PACSIN1: variants seen among roughly 807,000 people sequenced by gnomAD.
PACSIN1 encodes protein kinase C and casein kinase substrate in neurons 1.
PACSIN1 carries 15 observed loss-of-function variants against 59.5 expected under a neutral mutation model. The observed-to-expected ratio is 0.25, with a 90% confidence interval of 0.17 to 0.39. The LOEUF is 0.39. Among genes scored for constraint, PACSIN1 ranks in the 10% least tolerant of loss-of-function variants. The probability of loss-of-function intolerance (pLI) is 1.00; values close to 1 mark genes in which losing one functional copy is unlikely to be tolerated. For synonymous variants in PACSIN1, 210 were observed against 220.6 expected (o/e 0.95, Z 0.42); for missense variants, 420 against 580.2 (o/e 0.72, Z 2.84).
At position 34,529,660 on chromosome 6, in the gene PACSIN1, C is replaced by T; in HGVS notation, c.613-6C>T. ...TGTCACCCTCTCTCCACTCTGGTGC[C>T]CACAGACACAGGAGAAGTATGAGAA... On this transcript the variant is annotated splice_polypyrimidine_tract_variant and splice_region_variant and intron_variant, in intron 5 of 9. Coordinates refer to ENST00000244458, the MANE Select transcript of PACSIN1 (RefSeq NM_020804.5). This position sits in a 1 kb window ranked among gnomAD's most constrained non-coding sequence, Gnocchi z 6.3. The T allele has an allele frequency of 6.2e-7, 1 of 1,613,796 alleles. No homozygotes were observed.
Position 34,518,058 on chromosome 6 carries a change from G to A in PACSIN1, c.-63-8185G>A, listed in dbSNP as rs925962146. On this transcript the variant is annotated intron_variant, in intron 1 of 9. Transcript: ENST00000244458. The surrounding 1 kb of genome is among the most constrained non-coding windows in gnomAD (Gnocchi z 4.4). ...CCATTGCCTCAGGGACATTGGGTTG[G>A]ACAGGACACTGGGCCTGCACTGGGT... Among the ~76,000 whole-genome samples the A allele has an allele frequency of 6.6e-6, 1 of 152,202 alleles. No homozygotes were observed.
intron 1 of PACSIN1, among the ~76,000 whole-genome samples, chr6:34,495,546 G>A (rs1407345253): frequency 2.6e-5 from 4 of 151,548 alleles, no homozygotes; most frequent in South Asian, 2.1e-4. Flanking sequence ...TCCACCTCCC[G>A]GGTTCAAGTA....
intron 1 of PACSIN1, among the ~76,000 whole-genome samples, chr6:34,475,530 C>T (rs1439567353): frequency 6.6e-6 from 1 of 152,204 alleles, no homozygotes; most frequent in African/African-American, 2.4e-5. Context: ...GGGTTACCTT[C>T]CTCCAGACAA....
chr6:34,512,021 G>A (rs958321877), intron 1 of PACSIN1, among the ~76,000 whole-genome samples: 3 of 152,116 alleles, frequency 2.0e-5, no homozygotes, highest in African/African-American at 7.2e-5. Context: ...AGGAGCTGAG[G>A]TTGGGCATGG....
chr6:34,522,655 T>A (rs1442156964), intron 1 of PACSIN1, among the ~76,000 whole-genome samples: 3 of 152,186 alleles, frequency 2.0e-5, no homozygotes, highest in Non-Finnish European at 4.4e-5. Context: ...AGAAGTCCCA[T>A]GTTACGCTGT....
chr6:34,515,630 C>T lies in PACSIN1; in HGVS notation c.-63-10613C>T, dbSNP rs913644695. Among the ~76,000 whole-genome samples the T allele has an allele frequency of 6.6e-6, 1 of 152,178 alleles. No homozygotes were observed. The highest frequency in any genetic ancestry group is 1.5e-5 in the Non-Finnish European group (1 of 68,026). The stretch of plus-strand genomic sequence containing the variant: ...CCTCCTGCCCCAACCTCAGGCCCTT[C>T]CCCTTCCTCGTTCTCCCTGGAGACT... On this transcript the variant is annotated intron_variant, in intron 1 of 9. Transcript: ENST00000244458. The surrounding 1 kb of genome is among the most constrained non-coding windows in gnomAD (Gnocchi z 4.4).
At chr6:34,472,603 A>G (rs1345471487) in intron 1 of PACSIN1, among the ~76,000 whole-genome samples, 1 of 152,104 alleles carries the variant, frequency 6.6e-6, no homozygotes, top group African/African-American at 2.4e-5. Flanking sequence ...CATTCCCCTT[A>G]ATCTGATGGC....
intron 1 of PACSIN1, among the ~76,000 whole-genome samples, chr6:34,508,045 A>G (rs12197759): frequency 0.16 from 24,863 of 152,226 alleles, 2,609 homozygotes; most frequent in Non-Finnish European, 0.24. Context: ...CCCTGACTTC[A>G]ATTCCTTTGG....
chr6:34,527,579 C>A, intron 3 of PACSIN1, 91 bp downstream of exon 3: 1 of 1,177,044 alleles, frequency 8.5e-7, no homozygotes, highest in Non-Finnish European at 1.1e-6. Context: ...TTGCATGCAC[C>A]ATGCCCTCCA....
chr6:34,535,039 C>T lies in PACSIN1; in HGVS notation c.*2509C>T, dbSNP rs970983555. ...GAACCAGGGCTGCCCCACCGCCCGC[C>T]GTCTGCCGCCCTAGGCTTCCTGACT... On this transcript the variant is annotated 3_prime_UTR_variant, in exon 10 of 10. Coordinates refer to ENST00000244458, the MANE Select transcript of PACSIN1 (RefSeq NM_020804.5). 2 of 152,546 alleles carry T rather than the reference C, an allele frequency of 1.3e-5. No homozygotes were observed. Among genetic ancestry groups the T allele is most frequent in the Non-Finnish European group, 2.9e-5 (2 of 67,984 alleles). 9.4% of individuals were successfully genotyped at this position (152,546 alleles called of 1,614,324 possible).
Position 34,488,509 on chromosome 6 carries a change from G to C in PACSIN1, c.-64+22239G>C, listed in dbSNP as rs1400056597. Among the ~76,000 whole-genome samples, 1 of 152,058 alleles carries C rather than the reference G, an allele frequency of 6.6e-6. No individual in the cohort carries two copies. The highest frequency in any genetic ancestry group is 1.9e-4 in the East Asian group (1 of 5,184). On this transcript the variant is annotated intron_variant, in intron 1 of 9. Transcript: ENST00000244458. The surrounding 1 kb of genome is among the most constrained non-coding windows in gnomAD (Gnocchi z 4.7). ...CTCTTGGTGGAACTATTTCCCCTTTGGGAACCAGGATTTCTAAACTTGCAG... is the reference window on the plus strand; with the variant it reads ...CTCTTGGTGGAACTATTTCCCCTTTCGGAACCAGGATTTCTAAACTTGCAG...
Position 34,525,442 on chromosome 6 carries a change from C to T in PACSIN1, c.-63-801C>T, listed in dbSNP as rs952742961. Among the ~76,000 whole-genome samples, 2 of 152,258 alleles carry T rather than the reference C, an allele frequency of 1.3e-5. No homozygotes were observed. The highest frequency in any genetic ancestry group is 2.9e-5 in the Non-Finnish European group (2 of 68,042). On this transcript the variant is annotated intron_variant, in intron 1 of 9. Transcript: ENST00000244458. The surrounding 1 kb of genome is among the most constrained non-coding windows in gnomAD (Gnocchi z 4.9). ...ACAGAGGCCAGCCTTCCCTGAGCAT[C>T]CACACTGTCAGGGTTCACAGTCCTG...
intron 1 of PACSIN1, among the ~76,000 whole-genome samples, chr6:34,489,056 C>T (rs1561958881): frequency 6.6e-6 from 1 of 151,888 alleles, no homozygotes; most frequent in South Asian, 2.1e-4. Context: ...CGGCATGCCC[C>T]TGTAGTTCCA....
chr6:34,476,361 G>A lies in PACSIN1; in HGVS notation c.-64+10091G>A, dbSNP rs529059145. On this transcript the variant is annotated intron_variant, in intron 1 of 9. Transcript: ENST00000244458. ...CAAGCGTGTGATAGAGCTGGGATTC[G>A]AAAGCATGGGGCTGAATTTGGCTCT... Among the ~76,000 whole-genome samples the A allele has an allele frequency of 1.3e-4, 20 of 152,288 alleles. No individual in the cohort carries two copies. In the South Asian group the frequency reaches 1.5e-3, roughly 11 times the overall value.
At chr6:34,496,115 A>G (rs2127255421) in intron 1 of PACSIN1, among the ~76,000 whole-genome samples, 1 of 152,342 alleles carries the variant, frequency 6.6e-6, no homozygotes, top group African/African-American at 2.4e-5. Flanking sequence ...TGATTGTGCC[A>G]TAGGACTAAA....
chr6:34,469,206 T>A (rs1372637438), intron 1 of PACSIN1, among the ~76,000 whole-genome samples: 2 of 152,028 alleles, frequency 1.3e-5, no homozygotes, highest in East Asian at 3.9e-4. Context: ...TGCTGCTTGG[T>A]TTGGTTTTAC....
intron 1 of PACSIN1, among the ~76,000 whole-genome samples, chr6:34,491,251 G>A (rs1400278324): frequency 1.3e-5 from 2 of 152,102 alleles, no homozygotes; most frequent in Non-Finnish European, 2.9e-5. Flanking sequence ...TCAGCCTTGC[G>A]TTGTCTTTCT....
chr6:34,483,035 A>C (rs1581960280), intron 1 of PACSIN1, among the ~76,000 whole-genome samples: 14 of 118,412 alleles, frequency 1.2e-4, no homozygotes, highest in East Asian at 2.5e-4. Flanking sequence ...ACAAGGTCTC[A>C]CTCTTGGTGC....
At position 34,532,165 on chromosome 6, in the gene PACSIN1, G is replaced by A. The variant is rs1022079593; in HGVS notation, c.1226-256G>A. Among the ~76,000 whole-genome samples, 3 of 151,976 alleles carry A rather than the reference G, an allele frequency of 2.0e-5. No homozygotes were observed. The highest frequency in any genetic ancestry group is 7.3e-5 in the African/African-American group (3 of 41,338). ...CGGAGTCAGAACCTGAGAATAGTGT[G>A]GATGCGAGGTCTGGTTTTGGGGACG... On this transcript the variant is annotated intron_variant, in intron 9 of 9. Coordinates refer to ENST00000244458, the MANE Select transcript of PACSIN1 (RefSeq NM_020804.5). This position sits in a 1 kb window ranked among gnomAD's most constrained non-coding sequence, Gnocchi z 5.2.
Sources: gnomAD v4.1 joint callset for allele counts (sites outside exome capture counted in the v4.1 genomes callset) on GRCh38, gnomAD v4.1.1 for gene constraint, Gnocchi (gnomAD v3.1) non-coding constraint, MANE v1.5 for transcripts, NCBI Gene and HGNC (gene_info 2026-07-23, HGNC 2026-07-21) for gene names.